The following ADCY5 variants were observed in gnomAD, a reference collection of about 807,000 sequenced individuals.
The protein encoded by ADCY5 is adenylate cyclase type 5.
Under a neutral mutation model 119.7 loss-of-function variants are expected in ADCY5, and 30 were observed. That is an observed-to-expected ratio of 0.25 (90% confidence interval 0.19 to 0.34). ADCY5 has a LOEUF of 0.34. ADCY5 is among the 10% of genes least tolerant of loss of function. The pLI is 1.00. For synonymous variants in ADCY5, 753 were observed against 762.2 expected, an observed-to-expected ratio of 0.99 and a Z score of 0.20; for missense variants, 1,324 against 1,775.2, an observed-to-expected ratio of 0.75 and a Z score of 4.57.
At chr3:123,388,346 T>G (rs1944294980) in intron 1 of ADCY5, among the ~76,000 whole-genome samples, 3 of 152,024 alleles carry the variant, frequency 2.0e-5, no homozygotes, top group Admixed American at 2.0e-4. Flanking sequence ...GAGAGGGAGT[T>G]GTCAAGGATG....
chr3:123,337,994 C>T (rs987398446), intron 3 of ADCY5, among the ~76,000 whole-genome samples: 3 of 152,214 alleles, frequency 2.0e-5, no homozygotes, highest in Non-Finnish European at 4.4e-5. Flanking sequence ...TGTCCCCCAG[C>T]AGACGCTCCC....
intron 11 of ADCY5, among the ~76,000 whole-genome samples, chr3:123,314,595 T>G (rs1940797528): frequency 6.6e-6 from 1 of 152,184 alleles, no homozygotes; most frequent in Admixed American, 6.5e-5. Flanking sequence ...CCCCTTCCGG[T>G]GGAGACAGCA....
intron 1 of ADCY5, among the ~76,000 whole-genome samples, chr3:123,389,622 C>T (rs1046742336): frequency 8.5e-5 from 13 of 152,114 alleles, no homozygotes; most frequent in Middle Eastern, 3.4e-3. Flanking sequence ...CTTGGTGAAG[C>T]CCCCAGCAGA....
At chr3:123,357,708 TAC>T (rs891332241) in intron 1 of ADCY5, among the ~76,000 whole-genome samples, 4 of 152,044 alleles carry the variant, frequency 2.6e-5, no homozygotes, top group Admixed American at 6.5e-5. Context: ...ATAGCTGCCT[TAC>T]ACACACACAC....
At chr3:123,385,308 C>CACACACACACAT (rs146236659) in intron 1 of ADCY5, among the ~76,000 whole-genome samples, 10 of 147,214 alleles carry the variant, frequency 6.8e-5, no homozygotes, top group African/African-American at 2.4e-4. Flanking sequence ...CACACACACA[C>CACACACACACAT]ACGCACGCAC....
rs56322900 is a variant in ADCY5, at chr3:123,296,053, C to T, written c.3063+31G>A. 1.7e-3 allele frequency: 2,730 copies of T among 1,610,382 alleles called. 26 individuals are homozygous for T. The African/African-American group carries it at 0.029, about 17-fold the overall frequency. ...TCCGCCACCTGCTCCCAAATGCCTC[C>T]CTCCCCAGGTCCAGCCCCAGGGCCA... On this transcript the variant is annotated intron_variant, in intron 17 of 20. Transcript: ENST00000462833.
intron 1 of ADCY5, among the ~76,000 whole-genome samples, chr3:123,403,966 C>G (rs769056229): frequency 6.6e-6 from 1 of 152,210 alleles, no homozygotes; most frequent in African/African-American, 2.4e-5. Flanking sequence ...ATTCTGACTA[C>G]AGCCAGCTAC....
intron 11 of ADCY5, among the ~76,000 whole-genome samples, chr3:123,317,742 C>T (rs1048367040): frequency 6.2e-5 from 8 of 129,978 alleles, no homozygotes; most frequent in African/African-American, 1.1e-4. Context: ...GTCCCCACCA[C>T]GCCGACCCAA....
intron 11 of ADCY5, among the ~76,000 whole-genome samples, chr3:123,315,579 T>C (rs556106304): frequency 6.6e-6 from 1 of 152,104 alleles, no homozygotes; most frequent in South Asian, 2.1e-4. Flanking sequence ...AAAACCAGAT[T>C]GCTCTTTTTT....
intron 17 of ADCY5, among the ~76,000 whole-genome samples, chr3:123,292,737 C>G (rs2108205553): frequency 6.6e-6 from 1 of 152,244 alleles, no homozygotes; most frequent in African/African-American, 2.4e-5. Flanking sequence ...AGGGGGCATC[C>G]CTGTGCTTCT....
At chr3:123,369,016 T>C (rs1167369596) in intron 1 of ADCY5, among the ~76,000 whole-genome samples, 1 of 152,160 alleles carries the variant, frequency 6.6e-6, no homozygotes, top group Non-Finnish European at 1.5e-5. Context: ...GGGTCTCTGC[T>C]ATGGTTTTGA....
In ADCY5 at chr3:123,303,128, G is replaced by A. The variant is rs529379333; in HGVS notation, c.2651C>T (p.Ser884Leu). The stretch of plus-strand genomic sequence containing the variant: ...ATCGCCCAGGCTGTAGTTGACGGCC[G>A]ACTCCGCCACGTGACACGCGTTGAC... ...SQVNACHVAE[S>L]AVNYSLGDEQ... The change falls in exon 14 of 21, where the codon TCG (serine) becomes TTG (leucine). Residue 884 changes from serine (S) to leucine (L), a missense_variant. Transcript: ENST00000462833. 2.2e-5 allele frequency: 35 copies of A among 1,613,866 alleles called. 1 individual carries two copies. The South Asian group carries it at 3.2e-4, about 15-fold the overall frequency.
Position 123,448,737 on chromosome 3 carries a change from T to A in ADCY5, c.-192A>T. 1 of 433,788 alleles carries A rather than the reference T, an allele frequency of 2.3e-6. No individual in the cohort carries two copies. The highest frequency in any genetic ancestry group is 3.9e-6 in the Non-Finnish European group (1 of 259,556). The allele number at this position is 433,788 out of a possible 1,614,324, so 26.9% of individuals were successfully genotyped here. ...GGAGGAGGAGGGCACAGCCCCGAGG[T>A]GAGAAGTAGCTGAGGATCCGCGTCA... On this transcript the variant is annotated 5_prime_UTR_variant, in exon 1 of 21. Transcript: ENST00000462833.
At chr3:123,390,817 G>A (rs568881609) in intron 1 of ADCY5, among the ~76,000 whole-genome samples, 2 of 152,346 alleles carry the variant, frequency 1.3e-5, no homozygotes, top group South Asian at 4.1e-4. Context: ...AGGACAGCAG[G>A]CTGAGGTCTG....
At chr3:123,389,653 T>A (rs1283576038) in intron 1 of ADCY5, among the ~76,000 whole-genome samples, 1 of 151,882 alleles carries the variant, frequency 6.6e-6, no homozygotes, top group Non-Finnish European at 1.5e-5. Context: ...TGGAGAGGCA[T>A]GTGACAAGCA....
At chr3:123,373,471 T>A (rs771763887) in intron 1 of ADCY5, among the ~76,000 whole-genome samples, 1 of 152,042 alleles carries the variant, frequency 6.6e-6, no homozygotes, top group Non-Finnish European at 1.5e-5. Flanking sequence ...AAAACAGAAC[T>A]GGAAGGATGA....
chr3:123,379,437 C>T (rs1943953679), intron 1 of ADCY5, among the ~76,000 whole-genome samples: 1 of 152,180 alleles, frequency 6.6e-6, no homozygotes, highest in South Asian at 2.1e-4. Context: ...AAGCAATTCT[C>T]TCTGCTTCTT....
chr3:123,434,017 T>C (rs947569180), intron 1 of ADCY5, among the ~76,000 whole-genome samples: 12 of 152,004 alleles, frequency 7.9e-5, no homozygotes, highest in African/African-American at 2.9e-4. Flanking sequence ...CCAGACACCA[T>C]GGGGAAAGGA....
At chr3:123,433,999 C>A (rs182222230) in intron 1 of ADCY5, among the ~76,000 whole-genome samples, 1 of 152,164 alleles carries the variant, frequency 6.6e-6, no homozygotes, top group Non-Finnish European at 1.5e-5. Context: ...ATTTAATGCC[C>A]GTCTGAGCCA....
Sources: allele counts gnomAD v4.1 joint callset (sites outside exome capture counted in the v4.1 genomes callset), GRCh38; gene constraint gnomAD v4.1.1; transcripts MANE v1.5; gene names NCBI Gene and HGNC (gene_info 2026-07-23, HGNC 2026-07-21).